Variants in PCDHGA3 observed in about 807,000 individuals in gnomAD.
The protein encoded by PCDHGA3 is protocadherin gamma-A3.
PCDHGA3 carries 40 observed loss-of-function variants against 58.5 expected under a neutral mutation model. That is an observed-to-expected ratio of 0.68 (90% confidence interval 0.53 to 0.89). The LOEUF (loss-of-function observed/expected upper bound fraction) is 0.89, where lower values mean the gene tolerates loss of function less well. Among genes scored for constraint, PCDHGA3 ranks in the 40% least tolerant of loss-of-function variants. The probability of loss-of-function intolerance (pLI) is 0.00; values close to 1 mark genes in which losing one functional copy is unlikely to be tolerated. For missense variants in PCDHGA3, 1,223 were observed against 1,195.9 expected, an observed-to-expected ratio of 1.02 and a Z score of -0.33; for synonymous variants, 530 against 525.7, an observed-to-expected ratio of 1.01 and a Z score of -0.11.
At chr5:141,393,377 AGC>A (rs1313389663) in intron 1 of PCDHGA3, 1 of 1,613,966 alleles carries the variant, frequency 6.2e-7, no homozygotes, top group Admixed American at 1.7e-5. Context: ...GAGACAATGG[AGC>A]CATAAACCCA....
In PCDHGA3 at chr5:141,413,412, C is replaced by T. The variant is rs747352426; in HGVS notation, c.2424+66955C>T. ...TCTCCAGAGGTAGGACGCAGCTTTT[C>T]TCTCTGAACCCGCGCAGCGGCAGCT... On this transcript the variant is annotated intron_variant, in intron 1 of 3. Transcript: ENST00000253812. 5.6e-6 allele frequency: 9 copies of T among 1,613,954 alleles called. No individual in the cohort carries two copies. The African/African-American group carries it at 1.2e-4, about 22-fold the overall frequency.
intron 1 of PCDHGA3, among the ~76,000 whole-genome samples, chr5:141,397,293 A>T (rs1449132000): frequency 6.6e-6 from 1 of 152,220 alleles, no homozygotes; most frequent in African/African-American, 2.4e-5. Flanking sequence ...ACTTGAATGA[A>T]TATTTCCTGA....
At chr5:141,393,319 G>A (rs2092728293) in intron 1 of PCDHGA3, 1 of 1,612,192 alleles carries the variant, frequency 6.2e-7, no homozygotes, top group Admixed American at 1.7e-5. Flanking sequence ...TCCCTCCAGA[G>A]CTACCAGCTC....
intron 1 of PCDHGA3, chr5:141,394,115 T>G: frequency 2.5e-6 from 4 of 1,613,954 alleles, no homozygotes; most frequent in Non-Finnish European, 3.4e-6. Flanking sequence ...CTCTGTCCAC[T>G]GAAACTCAAA....
chr5:141,356,812 G>A (rs1236993988), intron 1 of PCDHGA3: 1 of 1,614,068 alleles, frequency 6.2e-7, no homozygotes, highest in Non-Finnish European at 8.5e-7. Context: ...CAGTGACAGT[G>A]GAGACCCTCC....
intron 1 of PCDHGA3, chr5:141,370,513 AGCTGGACAGGGGCTC>A (rs768998364): frequency 2.8e-5 from 45 of 1,613,894 alleles, no homozygotes; most frequent in Non-Finnish European, 3.6e-5. Context: ...ATTCCCGAGG[AGCTGGACAGGGGCTC>A]GCTGGTAGGG....
Position 141,422,887 on chromosome 5 carries a change from C to G in PCDHGA3, c.2425-71920C>G, listed in dbSNP as rs2154549815. ...CAACGTGTCGCTGAGCCTGTTCGTG[C>G]TGGACCAGAACGACAATGCGCCCGA... On this transcript the variant is annotated intron_variant, in intron 1 of 3. Coordinates refer to ENST00000253812, the MANE Select transcript of PCDHGA3 (RefSeq NM_018916.4). The G allele has an allele frequency of 2.5e-6, 4 of 1,614,264 alleles. No homozygotes were observed. In the Middle Eastern group the frequency reaches 4.9e-4, roughly 200 times the overall value.
chr5:141,439,056 T>C (rs2098084461), intron 1 of PCDHGA3, among the ~76,000 whole-genome samples: 1 of 151,260 alleles, frequency 6.6e-6, no homozygotes, highest in Non-Finnish European at 1.5e-5. Flanking sequence ...TTCCATATTG[T>C]GTGGCAGGCG....
At chr5:141,495,193 T>G (rs1471524188) in intron 2 of PCDHGA3, among the ~76,000 whole-genome samples, 2 of 152,192 alleles carry the variant, frequency 1.3e-5, no homozygotes, top group Non-Finnish European at 2.9e-5. Flanking sequence ...TCTATGCCCA[T>G]GTACTGCCTA....
At chr5:141,376,831 C>A in intron 1 of PCDHGA3, 1 of 256,752 alleles carries the variant, frequency 3.9e-6, no homozygotes, top group Non-Finnish European at 7.4e-6. Context: ...GGACTACAGG[C>A]GCCCGCCACC....
intron 1 of PCDHGA3, chr5:141,364,354 G>A (rs1256054518): frequency 6.4e-7 from 1 of 1,554,444 alleles, no homozygotes; most frequent in Admixed American, 2.0e-5. Flanking sequence ...CTAGGGGCTG[G>A]GGCTGCGGAG....
intron 1 of PCDHGA3, chr5:141,398,029 G>C (rs1363038637): frequency 2.7e-6 from 4 of 1,458,540 alleles, no homozygotes; most frequent in Non-Finnish European, 3.7e-6. Flanking sequence ...ACTGGAACTG[G>C]AACTAAAGCC....
At chr5:141,371,623 T>C in intron 1 of PCDHGA3, 1 of 1,614,008 alleles carries the variant, frequency 6.2e-7, no homozygotes, top group African/African-American at 1.3e-5. Flanking sequence ...GATGGAGCCC[T>C]GGACCGGGAG....
At chr5:141,395,547 TGTGTGTGTGTGTGTGTGTG>T (rs2093270842) in intron 1 of PCDHGA3, 3 of 174,256 alleles carry the variant, frequency 1.7e-5, no homozygotes, top group Non-Finnish European at 3.5e-5. Flanking sequence ...ATTGTTTGTG[TGTGTGTGTGTGTGTGTGTG>T]TGTGTGTGTG....
intron 1 of PCDHGA3, among the ~76,000 whole-genome samples, chr5:141,451,073 C>A (rs1346074089): frequency 6.6e-6 from 1 of 151,958 alleles, no homozygotes; most frequent in Non-Finnish European, 1.5e-5. Flanking sequence ...TGTGATCCAC[C>A]CACCTTGACC....
At chr5:141,452,201 T>G (rs552947721) in intron 1 of PCDHGA3, among the ~76,000 whole-genome samples, 131 of 152,376 alleles carry the variant, frequency 8.6e-4, no homozygotes, top group Middle Eastern at 6.8e-3. Context: ...TTGTTTTAGA[T>G]GTTACCAATA....
Position 141,510,974 on chromosome 5 carries a change from G to T in PCDHGA3, c.2600G>T (p.Gly867Val). The T allele has an allele frequency of 6.2e-7, 1 of 1,614,150 alleles. No homozygotes were observed. The highest frequency in any genetic ancestry group is 1.1e-5 in the South Asian group (1 of 91,088). ...SEAADGSSTL[G>V]GGAGTMGLSA... ...GCTGCTGATGGGAGCTCCACCCTGG[G>T]AGGGGGTGCCGGCACCATGGGATTG... is the stretch of plus-strand genomic sequence containing the variant. The change falls in exon 4 of 4, where the codon GGA becomes GTA. Residue 867 changes from glycine (G) to valine (V), a missense_variant. Physicochemically the swap from Gly to Val is moderately radical, Grantham distance 109. Transcript: ENST00000253812.
At chr5:141,346,619 A>T in intron 1 of PCDHGA3, 162 bp downstream of exon 1, 1 of 1,069,508 alleles carries the variant, frequency 9.4e-7, no homozygotes, top group Non-Finnish European at 1.3e-6. Context: ...GTAGGACTGC[A>T]CTCCCCGGTC....
chr5:141,420,018 G>T, intron 1 of PCDHGA3: 2 of 1,614,066 alleles, frequency 1.2e-6, no homozygotes, highest in African/African-American at 2.7e-5. Flanking sequence ...CAGTCTTTCA[G>T]CCCTACTGCA....
Sources: gnomAD v4.1 joint callset for allele counts (sites outside exome capture counted in the v4.1 genomes callset) on GRCh38, gnomAD v4.1.1 for gene constraint, MANE v1.5 for transcripts, NCBI Gene and HGNC (gene_info 2026-07-23, HGNC 2026-07-21) for gene names.